The following SEPTIN12 variants were observed in gnomAD, a reference collection of about 807,000 sequenced individuals.
SEPTIN12 encodes septin-12.
SEPTIN12 carries 42 observed loss-of-function variants against 37.7 expected under a neutral mutation model. The ratio of observed to expected loss-of-function variants is 1.11; its 90% CI spans 0.87 to 1.44. The LOEUF (loss-of-function observed/expected upper bound fraction) is 1.44, where lower values mean the gene tolerates loss of function less well. SEPTIN12 is among the 40% of genes most tolerant of loss of function. The pLI is 0.00. For missense variants in SEPTIN12, 613 were observed against 479.2 expected, an observed-to-expected ratio of 1.28 and a Z score of -2.61; for synonymous variants, 254 against 196.7, an observed-to-expected ratio of 1.29 and a Z score of -2.44.
At chr16:4,791,719 A>G (rs775071757), upstream of SEPTIN12, among the ~76,000 whole-genome samples, 5 of 151,980 alleles carry the variant, frequency 3.3e-5, no homozygotes, top group South Asian at 2.1e-4. Context: ...ACACAGTCTC[A>G]CTCTGTCACC....
Position 4,787,789 on chromosome 16 carries a change from T to TAC in SEPTIN12, c.-22-123_-22-122insGT. The TAC allele has an allele frequency of 5.0e-6, 3 of 604,106 alleles. No homozygotes were observed. In the South Asian group the frequency reaches 5.9e-5, roughly 12 times the overall value. 37.4% of individuals were successfully genotyped at this position (604,106 alleles called of 1,614,324 possible). On this transcript the variant is annotated intron_variant, in intron 1 of 9. Coordinates refer to ENST00000268231, the MANE Select transcript of SEPTIN12 (RefSeq NM_144605.5). ...GCCAACCCCCTCCACACTTCATGCCTCTGGTGTACCCTAAGTGCCTGTAGT... is the reference window on the plus strand; with the variant it reads ...GCCAACCCCCTCCACACTTCATGCCTACCTGGTGTACCCTAAGTGCCTGTAGT...
upstream of SEPTIN12, among the ~76,000 whole-genome samples, chr16:4,791,052 G>C (rs2082543150): frequency 6.6e-6 from 1 of 152,232 alleles, no homozygotes; most frequent in Non-Finnish European, 1.5e-5. Context: ...GACTGCGTTT[G>C]AGCAGTAGAC....
upstream of SEPTIN12, among the ~76,000 whole-genome samples, chr16:4,791,209 C>A (rs971262283): frequency 6.6e-6 from 1 of 152,148 alleles, no homozygotes; most frequent in African/African-American, 2.4e-5. Flanking sequence ...GTAGGGACTG[C>A]ACCATGTAAG....
chr16:4,779,766 C>T lies in SEPTIN12; in HGVS notation c.747G>A (p.Val249=), dbSNP rs774447541. Residue 249 remains valine, a synonymous_variant, in exon 8 of 10, where the codon GTG becomes GTA. Coordinates refer to ENST00000268231, the MANE Select transcript of SEPTIN12 (RefSeq NM_144605.5). ...CCAGGTGCTCTTGGTCAGCCCCTACCACGGCAAAAGGGATTCGGTCCTGGG... is the reference window on the plus strand; with the variant it reads ...CCAGGTGCTCTTGGTCAGCCCCTACTACGGCAAAAGGGATTCGGTCCTGGG... The part of the protein sequence containing the change: ...SKLRDRIPFA[V]VGADQEHLVN... 8 of 1,613,020 alleles carry T rather than the reference C, an allele frequency of 5.0e-6. No individual in the cohort carries two copies. Among genetic ancestry groups the T allele is most frequent in the Non-Finnish European group, 6.8e-6 (8 of 1,179,070 alleles).
chr16:4,785,230 G>A (rs117436249), intron 4 of SEPTIN12, among the ~76,000 whole-genome samples: 9,689 of 151,018 alleles, frequency 0.064, 375 homozygotes, highest in Middle Eastern at 0.14. Flanking sequence ...TGGCCTGGGT[G>A]ACAAGAGCGA....
intron 4 of SEPTIN12, 137 bp downstream of exon 4, chr16:4,785,670 C>T (rs1197104862): frequency 1.8e-5 from 12 of 649,162 alleles, no homozygotes; most frequent in Admixed American, 8.0e-5. Context: ...CCAGCTACTT[C>T]GGGAGGCTGA....
Position 4,783,522 on chromosome 16 carries a change from G to A in SEPTIN12, c.666C>T (p.Val222=), listed in dbSNP as rs574562030. The A allele has an allele frequency of 9.3e-6, 15 of 1,614,094 alleles. No homozygotes were observed. The Admixed American group carries it at 2.5e-4, about 27-fold the overall frequency. The change falls in exon 7 of 10, where the codon GTC becomes GTT. Residue 222 remains valine (V), a synonymous_variant. Coordinates refer to ENST00000268231, the MANE Select transcript of SEPTIN12 (RefSeq NM_144605.5). ...QQNLRTHCID[V]YPQMCFDEDI... is the part of the protein sequence containing the mutation. ...CCTCGTCAAAGCACATCTGGGGGTA[G>A]ACGTCGATGCAGTGGGTCCTCAGGT... is the stretch of plus-strand genomic sequence containing the variant.
chr16:4,789,487 G>A (rs1245536555), upstream of SEPTIN12, among the ~76,000 whole-genome samples: 12 of 151,972 alleles, frequency 7.9e-5, no homozygotes, highest in South Asian at 2.1e-3. Flanking sequence ...CACCACGCCC[G>A]GCTAATTTTT....
intron 2 of SEPTIN12, among the ~76,000 whole-genome samples, chr16:4,786,456 G>A (rs944915158): frequency 2.7e-5 from 4 of 149,816 alleles, no homozygotes; most frequent in East Asian, 4.0e-4. Context: ...CCAGATTCAC[G>A]CCATTCCCCT....
chr16:4,787,312 A>G (rs541299005), intron 2 of SEPTIN12, among the ~76,000 whole-genome samples, 168 bp downstream of exon 2: 3 of 152,136 alleles, frequency 2.0e-5, no homozygotes, highest in East Asian at 1.9e-4. Flanking sequence ...TTGTCTTTTA[A>G]TGACTCAGCA....
chr16:4,790,647 G>A (rs2082537206), upstream of SEPTIN12, among the ~76,000 whole-genome samples: 1 of 152,194 alleles, frequency 6.6e-6, no homozygotes, highest in Admixed American at 6.5e-5. Flanking sequence ...AATTAGCTGG[G>A]CTTGGTGGCG....
intron 9 of SEPTIN12, 31 bp downstream of exon 9, chr16:4,778,055 C>T: frequency 1.2e-6 from 2 of 1,613,360 alleles, no homozygotes; most frequent in Non-Finnish European, 1.7e-6. Context: ...CCCTCGCCAG[C>T]CCCCTAGCCC....
intron 5 of SEPTIN12, 43 bp downstream of exon 5, chr16:4,783,887 GC>G (rs1348758210): frequency 1.9e-6 from 3 of 1,612,628 alleles, no homozygotes; most frequent in African/African-American, 2.7e-5. Flanking sequence ...CCTCCTCCCT[GC>G]CCCGTGCAGG....
chr16:4,784,370 C>T, intron 4 of SEPTIN12: 1 of 377,712 alleles, frequency 2.6e-6, no homozygotes, highest in Non-Finnish European at 5.0e-6. Context: ...GCCCAAACCA[C>T]CAAGGAATCG....
chr16:4,783,339 G>A (rs769001122), intron 7 of SEPTIN12, 123 bp downstream of exon 7: 44 of 791,164 alleles, frequency 5.6e-5, no homozygotes, highest in Non-Finnish European at 8.3e-5. Context: ...GATGAGTAGA[G>A]AATCATATCT....
intron 8 of SEPTIN12, among the ~76,000 whole-genome samples, chr16:4,778,452 G>A (rs1567555831): frequency 6.6e-6 from 1 of 152,190 alleles, no homozygotes; most frequent in Non-Finnish European, 1.5e-5. Context: ...TATCCCTGGG[G>A]GTCCTGGAAC....
chr16:4,787,699 A>T, intron 1 of SEPTIN12, 32 bp from the exon 2 acceptor site: 1 of 935,908 alleles, frequency 1.1e-6, no homozygotes, highest in Non-Finnish European at 1.6e-6. Flanking sequence ...GAAGGGGGTC[A>T]CTGGGGCTCA....
At chr16:4,778,471 G>A (rs1567555872) in intron 8 of SEPTIN12, among the ~76,000 whole-genome samples, 1 of 152,204 alleles carries the variant, frequency 6.6e-6, no homozygotes, top group South Asian at 2.1e-4. Flanking sequence ...ACCACCCTCT[G>A]CGGATAGCAT....
At position 4,781,832 on chromosome 16, in the gene SEPTIN12, C is replaced by T. The variant is rs191261491; in HGVS notation, c.726+1630G>A. On this transcript the variant is annotated intron_variant, in intron 7 of 9. Coordinates refer to ENST00000268231, the MANE Select transcript of SEPTIN12 (RefSeq NM_144605.5). ...GCTAATTTTGTATTTTTAGGAGAGA[C>T]GGGATTTCTCCATGTCGGTCAGGCT... 7.1e-4 allele frequency among the ~76,000 whole-genome samples: 107 copies of T among 150,720 alleles called. 3 individuals carry two copies. The East Asian group carries it at 0.014, about 19-fold the overall frequency.
Sources: gnomAD v4.1 joint callset for allele counts (sites outside exome capture counted in the v4.1 genomes callset) on GRCh38, gnomAD v4.1.1 for gene constraint, MANE v1.5 for transcripts, NCBI Gene and HGNC (gene_info 2026-07-23, HGNC 2026-07-21) for gene names.